CEP128: variants seen among roughly 807,000 people sequenced by gnomAD.
CEP128 encodes centrosomal protein 128, also known as centrosomal protein 128kDa.
In CEP128, 132 loss-of-function variants were observed where a neutral mutation model predicts 156.7. That is an observed-to-expected ratio of 0.84 (90% CI 0.73 to 0.97). The LOEUF (loss-of-function observed/expected upper bound fraction) is 0.97, where lower values mean the gene tolerates loss of function less well. Ranked by LOEUF, CEP128 falls within the 50% of genes least tolerant of loss-of-function variation. The pLI, the probability that CEP128 is intolerant of heterozygous loss-of-function variation, is 0.00. For synonymous variants in CEP128, 469 were observed against 448.9 expected, an observed-to-expected ratio of 1.04 and a Z score of -0.57; for missense variants, 1,252 against 1,281.9, an observed-to-expected ratio of 0.98 and a Z score of 0.36.
intron 6 of CEP128, among the ~76,000 whole-genome samples, chr14:80,900,246 T>C (rs566453190): frequency 4.9e-4 from 74 of 152,338 alleles, no homozygotes; most frequent in African/African-American, 1.7e-3. Flanking sequence ...TTTTCTACAG[T>C]ACAATTCTAC....
chr14:80,646,227 T>C (rs1434793895), intron 19 of CEP128, among the ~76,000 whole-genome samples: 2 of 152,124 alleles, frequency 1.3e-5, no homozygotes, highest in Non-Finnish European at 2.9e-5. Flanking sequence ...TATAGGTTTA[T>C]CGATTGTAAC....
chr14:80,885,531 A>G (rs565999901), intron 8 of CEP128, among the ~76,000 whole-genome samples: 15 of 152,328 alleles, frequency 9.8e-5, no homozygotes, highest in African/African-American at 3.6e-4. Flanking sequence ...CCTGCAGAAG[A>G]GGGGTCTGAC....
chr14:80,578,482 A>G (rs2140438125), intron 20 of CEP128, among the ~76,000 whole-genome samples: 1 of 152,314 alleles, frequency 6.6e-6, no homozygotes, highest in African/African-American at 2.4e-5. Context: ...TTGGAATTAA[A>G]TATTTAGCTC....
intron 19 of CEP128, among the ~76,000 whole-genome samples, chr14:80,712,410 A>G (rs1253524678): frequency 1.3e-5 from 2 of 152,130 alleles, no homozygotes; most frequent in Non-Finnish European, 2.9e-5. Flanking sequence ...GAAACACTGT[A>G]CACATCCAAC....
chr14:80,792,976 A>G lies in CEP128; in HGVS notation c.1344T>C (p.Thr448=). ...KHADLQISEL[T]RHAEDATKQA... is the part of the protein sequence containing the mutation. ...GCTTGGTTGCATCCTCCGCATGGCG[A>G]GTCAGCTCTGAGATCTGAAGGTCAG... Residue 448 remains threonine (T), a synonymous_variant, in exon 14 of 25, where the codon ACT becomes ACC. Transcript: ENST00000555265. 1.2e-6 allele frequency: 2 copies of G among 1,614,174 alleles called. No individual in the cohort carries two copies. Among genetic ancestry groups the G allele is most frequent in the Non-Finnish European group, 8.5e-7 (1 of 1,180,028 alleles).
At chr14:80,497,742 T>C (rs1887554426) in intron 24 of CEP128, among the ~76,000 whole-genome samples, 160 bp from the exon 25 acceptor site, 1 of 152,158 alleles carries the variant, frequency 6.6e-6, no homozygotes, top group Non-Finnish European at 1.5e-5. Context: ...TAAGAATAAA[T>C]ACACTCAATT....
chr14:80,785,295 T>C lies in CEP128; in HGVS notation c.1811A>G (p.Gln604Arg). 1.9e-6 allele frequency: 3 copies of C among 1,614,194 alleles called. No homozygotes were observed. The highest frequency in any genetic ancestry group is 2.5e-6 in the Non-Finnish European group (3 of 1,180,028). The change falls in exon 15 of 25, where the codon CAG becomes CGG. Residue 604 changes from glutamine (Q) to arginine (R), a missense_variant. Coordinates refer to ENST00000555265, the MANE Select transcript of CEP128 (RefSeq NM_152446.5). Reference protein sequence around the residue: ...ELKKQSKIQSQMKVEKAHLEE... With the variant: ...ELKKQSKIQSRMKVEKAHLEE... ...CAAGTGAGCTTTCTCAACTTTCATC[T>C]GGCTTTGGATCTTACTCTGCTTTTT...
At chr14:80,628,635 GCTGT>G (rs1402113027) in intron 19 of CEP128, among the ~76,000 whole-genome samples, 1 of 152,008 alleles carries the variant, frequency 6.6e-6, no homozygotes, top group East Asian at 1.9e-4. Flanking sequence ...GGCTAACTAC[GCTGT>G]CTATTTTAGC....
At chr14:80,594,872 G>C (rs1479340433) in intron 19 of CEP128, among the ~76,000 whole-genome samples, 1 of 152,208 alleles carries the variant, frequency 6.6e-6, no homozygotes, top group Non-Finnish European at 1.5e-5. Context: ...TACACTGTTG[G>C]TGGGAGTGTA....
At chr14:80,721,787 G>A (rs1440739580) in intron 19 of CEP128, among the ~76,000 whole-genome samples, 1 of 152,168 alleles carries the variant, frequency 6.6e-6, no homozygotes, top group Non-Finnish European at 1.5e-5. Context: ...AGTGGATAAA[G>A]TTCATGATAT....
At chr14:80,717,998 T>C (rs1166978081) in intron 19 of CEP128, among the ~76,000 whole-genome samples, 6 of 152,078 alleles carry the variant, frequency 3.9e-5, no homozygotes, top group Non-Finnish European at 8.8e-5. Context: ...TGTGTGTATG[T>C]GTATGTGTAT....
At chr14:80,596,230 T>G (rs1054209617) in intron 19 of CEP128, among the ~76,000 whole-genome samples, 3 of 152,138 alleles carry the variant, frequency 2.0e-5, no homozygotes, top group Non-Finnish European at 4.4e-5. Context: ...TGTTATGCTA[T>G]CTACAGAAAA....
At chr14:80,822,949 G>C (rs2140005864) in intron 13 of CEP128, among the ~76,000 whole-genome samples, 1 of 152,204 alleles carries the variant, frequency 6.6e-6, no homozygotes, top group African/African-American at 2.4e-5. Context: ...TTTGGGGGAA[G>C]GGGCATACGT....
chr14:80,546,051 T>C (rs1566771113), intron 21 of CEP128, among the ~76,000 whole-genome samples: 1 of 152,128 alleles, frequency 6.6e-6, no homozygotes, highest in Non-Finnish European at 1.5e-5. Flanking sequence ...AAAATTAACA[T>C]AACACAGAGT....
At chr14:80,537,950 C>T (rs1594966116) in intron 21 of CEP128, among the ~76,000 whole-genome samples, 2 of 152,070 alleles carry the variant, frequency 1.3e-5, no homozygotes, top group African/African-American at 4.8e-5. Flanking sequence ...ATGACTTTGC[C>T]CTGCCCTTCT....
chr14:80,706,637 C>T (rs1470271990), intron 19 of CEP128, among the ~76,000 whole-genome samples: 2 of 152,068 alleles, frequency 1.3e-5, no homozygotes, highest in Non-Finnish European at 2.9e-5. Context: ...AGGGTTCATT[C>T]AGCTTGGGGT....
At chr14:80,954,402 T>C (rs1886550909) in intron 2 of CEP128, among the ~76,000 whole-genome samples, 1 of 152,238 alleles carries the variant, frequency 6.6e-6, no homozygotes, top group East Asian at 1.9e-4. Context: ...AGACACTTGG[T>C]TCGTTTAGTG....
intron 13 of CEP128, among the ~76,000 whole-genome samples, chr14:80,804,052 T>C (rs899347728): frequency 6.6e-5 from 10 of 152,068 alleles, no homozygotes; most frequent in African/African-American, 2.4e-4. Flanking sequence ...AGAATAAACA[T>C]GTGTACTGCA....
intron 13 of CEP128, among the ~76,000 whole-genome samples, chr14:80,822,210 C>T (rs771290273): frequency 9.9e-5 from 15 of 152,128 alleles, no homozygotes; most frequent in Non-Finnish European, 2.2e-4. Context: ...ACTCAAAAGT[C>T]CATACTCCAA....
Sources: gnomAD v4.1 joint callset for allele counts (sites outside exome capture counted in the v4.1 genomes callset) on GRCh38, gnomAD v4.1.1 for gene constraint, MANE v1.5 for transcripts, NCBI Gene and HGNC (gene_info 2026-07-23, HGNC 2026-07-21) for gene names.